CSGALNACT1: variants seen among roughly 807,000 people sequenced by gnomAD.
The protein encoded by CSGALNACT1 is beta4GalNAcT-1.
In CSGALNACT1, 52 loss-of-function variants were observed where a neutral mutation model predicts 51.0. The observed-to-expected ratio is 1.02, with a 90% CI of 0.82 to 1.29. The LOEUF is 1.29. Ranked by LOEUF, CSGALNACT1 falls within the 50% of genes most tolerant of loss-of-function variation. The pLI, the probability that CSGALNACT1 is intolerant of heterozygous loss-of-function variation, is 0.00. For synonymous variants in CSGALNACT1, 341 were observed against 254.4 expected (o/e 1.34, Z -3.24); for missense variants, 935 against 679.2 (o/e 1.38, Z -4.19).
chr8:19,523,886 GATC>G, intron 3 of CSGALNACT1, among the ~76,000 whole-genome samples: 1 of 152,182 alleles, frequency 6.6e-6, no homozygotes, highest in Non-Finnish European at 1.5e-5. Context: ...AGGAGAGAAA[GATC>G]ATCTGTTTGG....
At chr8:19,411,965 G>C (rs2055856650) in intron 8 of CSGALNACT1, among the ~76,000 whole-genome samples, 1 of 151,900 alleles carries the variant, frequency 6.6e-6, no homozygotes, top group Non-Finnish European at 1.5e-5. Context: ...CGAGTAGCTG[G>C]GATTACAGGC....
chr8:19,428,825 ATGTGTGTG>A (rs59241616), intron 6 of CSGALNACT1, among the ~76,000 whole-genome samples: 5,926 of 143,350 alleles, frequency 0.041, 196 homozygotes, highest in East Asian at 0.076. Flanking sequence ...AAGACATGAT[ATGTGTGTG>A]TGTGTGTGTG....
chr8:19,656,460 G>A (rs932434583), intron 1 of CSGALNACT1, among the ~76,000 whole-genome samples: 1 of 151,916 alleles, frequency 6.6e-6, no homozygotes, highest in Non-Finnish European at 1.5e-5. Flanking sequence ...TTTCTATAGA[G>A]GAACCCACCT....
chr8:19,695,417 G>A (rs1035149045), intron 1 of CSGALNACT1, among the ~76,000 whole-genome samples: 3 of 152,082 alleles, frequency 2.0e-5, no homozygotes, highest in Non-Finnish European at 4.4e-5. Flanking sequence ...TTAGCTGTGC[G>A]GCCAGAGTGC....
At chr8:19,626,329 G>A (rs1437200024) in intron 1 of CSGALNACT1, among the ~76,000 whole-genome samples, 1 of 152,092 alleles carries the variant, frequency 6.6e-6, no homozygotes, top group Non-Finnish European at 1.5e-5. Context: ...AATGGAGGAA[G>A]GAGACTGTTT....
At chr8:19,707,652 C>T (rs995172061) in intron 1 of CSGALNACT1, among the ~76,000 whole-genome samples, 8 of 127,300 alleles carry the variant, frequency 6.3e-5, no homozygotes, top group African/African-American at 1.4e-4. Context: ...ACTAGATAAA[C>T]AGTATATGTT....
intron 1 of CSGALNACT1, among the ~76,000 whole-genome samples, chr8:19,665,789 C>T (rs1475697370): frequency 6.6e-6 from 1 of 152,172 alleles, no homozygotes; most frequent in Non-Finnish European, 1.5e-5. Context: ...GTTAATTACA[C>T]CTGGGATAAT....
chr8:19,496,938 A>C (rs1300270338), intron 4 of CSGALNACT1, among the ~76,000 whole-genome samples: 1 of 152,110 alleles, frequency 6.6e-6, no homozygotes, highest in Admixed American at 6.5e-5. Flanking sequence ...GCGGGAGGGG[A>C]CAGGAGCTCC....
rs139045851 is a variant in CSGALNACT1, at chr8:19,674,785, G to T, written c.-544+7688C>A. 2.0e-4 allele frequency among the ~76,000 whole-genome samples: 30 copies of T among 152,240 alleles called. No homozygotes were observed. The East Asian group carries it at 5.6e-3, about 28-fold the overall frequency. On this transcript the variant is annotated intron_variant, in intron 1 of 9. Transcript: ENST00000332246. Reference sequence around the variant, plus strand: ...AGTGATGGCTCTGTATGTGAGAAATGATCCCCTGGAAACGCGAAGAAGTTG... The same window carrying T: ...AGTGATGGCTCTGTATGTGAGAAATTATCCCCTGGAAACGCGAAGAAGTTG...
chr8:19,675,807 C>T (rs1589441492), intron 1 of CSGALNACT1, among the ~76,000 whole-genome samples: 1 of 152,042 alleles, frequency 6.6e-6, no homozygotes, highest in Non-Finnish European at 1.5e-5. Flanking sequence ...TATATATGAA[C>T]CTCCACCCCA....
intron 5 of CSGALNACT1, 88 bp from the exon 5 acceptor site, chr8:19,440,019 G>A: frequency 9.3e-7 from 1 of 1,071,834 alleles, no homozygotes; most frequent in Non-Finnish European, 1.4e-6. Context: ...AAGTGCAAAA[G>A]GGTCTTGAAG....
exon 1 of CSGALNACT1, chr8:19,602,085 T>C: frequency 6.8e-6 from 2 of 292,996 alleles, no homozygotes; most frequent in East Asian, 8.9e-5. Flanking sequence ...TAAACAGTGA[T>C]AACCATGTCT....
chr8:19,625,983 A>T (rs2054398972), intron 1 of CSGALNACT1, among the ~76,000 whole-genome samples: 1 of 152,256 alleles, frequency 6.6e-6, no homozygotes, highest in African/African-American at 2.4e-5. Context: ...AAACTGAGAC[A>T]ATAAAACACA....
chr8:19,404,821 G>A, exon 10 of CSGALNACT1: 1 of 454,476 alleles, frequency 2.2e-6, no homozygotes, highest in Non-Finnish European at 4.4e-6. Context: ...TTCCTTTTCT[G>A]TAAAGCAGAA....
At chr8:19,435,491 C>CAAAAAAAAAAAAA (rs35102795) in intron 6 of CSGALNACT1, among the ~76,000 whole-genome samples, 1 of 138,348 alleles carries the variant, frequency 7.2e-6, no homozygotes. Flanking sequence ...GACTCTGAAT[C>CAAAAAAAAAAAAA]AAAAAAAAAA....
chr8:19,681,854 G>A (rs374832127), intron 1 of CSGALNACT1, among the ~76,000 whole-genome samples: 15 of 152,174 alleles, frequency 9.9e-5, no homozygotes, highest in African/African-American at 3.6e-4. Context: ...AGAGTTCACA[G>A]GGCCCCCAAG....
chr8:19,496,141 T>C (rs1254846488), intron 4 of CSGALNACT1, among the ~76,000 whole-genome samples: 1 of 152,198 alleles, frequency 6.6e-6, no homozygotes, highest in African/African-American at 2.4e-5. Flanking sequence ...CTTTTTAAGA[T>C]AATATGGCAT....
chr8:19,724,456 T>C (rs1265976833), intron 1 of CSGALNACT1, among the ~76,000 whole-genome samples: 1 of 152,232 alleles, frequency 6.6e-6, no homozygotes, highest in Non-Finnish European at 1.5e-5. Flanking sequence ...TCACTTTGGT[T>C]CTCTGCCTTC....
chr8:19,654,098 G>A (rs2154185912), intron 1 of CSGALNACT1, among the ~76,000 whole-genome samples: 1 of 152,304 alleles, frequency 6.6e-6, no homozygotes, highest in South Asian at 2.1e-4. Context: ...AATCATCACT[G>A]AAAACACACG....
Sources: allele counts gnomAD v4.1 joint callset (sites outside exome capture counted in the v4.1 genomes callset), GRCh38; gene constraint gnomAD v4.1.1; transcripts MANE v1.5; gene names NCBI Gene and HGNC (gene_info 2026-07-23, HGNC 2026-07-21).